The following TESPA1 variants were observed in gnomAD, a reference collection of about 807,000 sequenced individuals.
TESPA1 encodes the protein protein TESPA1.
Under a neutral mutation model 57.9 loss-of-function variants are expected in TESPA1, and 33 were observed. The ratio of observed to expected loss-of-function variants is 0.57; its 90% CI spans 0.43 to 0.76. The LOEUF (loss-of-function observed/expected upper bound fraction) is 0.76, where lower values mean the gene tolerates loss of function less well. Among genes scored for constraint, TESPA1 ranks in the 30% least tolerant of loss-of-function variants. The pLI is 0.00. For missense variants in TESPA1, 618 were observed against 632.9 expected (o/e 0.98, Z 0.25); for synonymous variants, 227 against 228.9 (o/e 0.99, Z 0.07).
At chr12:54,960,888 A>G (rs935249132) in intron 10 of TESPA1, among the ~76,000 whole-genome samples, 2 of 152,150 alleles carry the variant, frequency 1.3e-5, no homozygotes, top group Admixed American at 6.5e-5. Flanking sequence ...GGCCAATTCA[A>G]TCAGACACTC....
chr12:54,963,777 C>T lies in TESPA1; in HGVS notation c.620G>A (p.Arg207Lys). ...GAGGCAGGGGTCTTCCATTTCAATC[C>T]TCCGCACCTGGGACTTCAGGAAGAG... ...FQLFLKSQVR[R>K]IEMEDPCLML... The change falls in exon 8 of 11, where the codon AGG becomes AAG. Residue 207 changes from arginine (R) to lysine (K), a missense_variant. By Grantham distance (26) the Arg-to-Lys change is conservative. Coordinates refer to ENST00000449076, the MANE Select transcript of TESPA1 (RefSeq NM_001136030.3). The T allele has an allele frequency of 1.2e-6, 2 of 1,613,748 alleles. No homozygotes were observed. Among genetic ancestry groups the T allele is most frequent in the Non-Finnish European group, 1.7e-6 (2 of 1,179,848 alleles).
chr12:54,966,287 T>G, intron 6 of TESPA1, 101 bp downstream of exon 6: 2 of 1,584,952 alleles, frequency 1.3e-6, no homozygotes, highest in African/African-American at 2.7e-5. Flanking sequence ...TCTCACTCTC[T>G]AATGTGAATC....
chr12:54,961,449 G>A (rs998401), intron 9 of TESPA1, among the ~76,000 whole-genome samples, 182 bp from the exon 10 acceptor site: 16,830 of 152,226 alleles, frequency 0.11, 2,239 homozygotes, highest in East Asian at 0.63. Flanking sequence ...TACATTCAAG[G>A]AGAGGTGACA....
intron 7 of TESPA1, among the ~76,000 whole-genome samples, chr12:54,964,337 T>G (rs534087738): frequency 6.6e-6 from 1 of 152,360 alleles, no homozygotes; most frequent in East Asian, 1.9e-4. Context: ...CCAGTGGTTG[T>G]TGCGTGGGAC....
intron 8 of TESPA1, among the ~76,000 whole-genome samples, 183 bp from the exon 9 acceptor site, chr12:54,963,425 C>T (rs1294804595): frequency 1.3e-5 from 2 of 152,130 alleles, no homozygotes; most frequent in African/African-American, 2.4e-5. Flanking sequence ...CTTGACACCC[C>T]ATCCCATGTA....
chr12:54,967,837 A>G lies in TESPA1; in HGVS notation c.256+6T>C. On this transcript the variant is annotated splice_donor_region_variant and intron_variant, in intron 4 of 10. Coordinates refer to ENST00000449076, the MANE Select transcript of TESPA1 (RefSeq NM_001136030.3). ...AGAAAAATAGATGGACAGAACCTAT[A>G]CTCACCATTGTAGATAAACTGTCCT... The G allele has an allele frequency of 6.2e-7, 1 of 1,613,670 alleles. No homozygotes were observed. The highest frequency in any genetic ancestry group is 8.5e-7 in the Non-Finnish European group (1 of 1,179,678).
At chr12:54,966,761 C>T (rs1951461816) in intron 5 of TESPA1, among the ~76,000 whole-genome samples, 1 of 152,128 alleles carries the variant, frequency 6.6e-6, no homozygotes, top group African/African-American at 2.4e-5. Context: ...TTTACAGCTC[C>T]CAGGAGACAC....
At chr12:54,955,674 T>A (rs72648130) in intron 10 of TESPA1, among the ~76,000 whole-genome samples, 31,213 of 152,148 alleles carry the variant, frequency 0.21, 5,447 homozygotes, top group East Asian at 0.84. Flanking sequence ...TTGCAATCTG[T>A]TTAGTGGATG....
chr12:54,966,002 T>C (rs1352807349), intron 7 of TESPA1, 51 bp downstream of exon 7: 1 of 1,529,970 alleles, frequency 6.5e-7, no homozygotes, highest in African/African-American at 1.4e-5. Context: ...TCCATTCTCC[T>C]ATGCTTCTCA....
rs929102494 is a variant in TESPA1, at chr12:54,962,725, G to A, written c.1173C>T (p.Cys391=). The change falls in exon 9 of 11, where the codon TGC becomes TGT. Residue 391 remains cysteine, a synonymous_variant. Coordinates refer to ENST00000449076, the MANE Select transcript of TESPA1 (RefSeq NM_001136030.3). ...TLDSNPKVPC[C]THSLPIEDPQ... ...GATCTTCTATGGGCAGAGAATGTGT[G>A]CAACAGGGTACCTTGGGGTTCGAAT... The A allele has an allele frequency of 3.1e-6, 5 of 1,613,838 alleles. No individual in the cohort carries two copies. The highest frequency in any genetic ancestry group is 4.2e-6 in the Non-Finnish European group (5 of 1,179,888).
Position 54,973,712 on chromosome 12 carries a change from T to C in TESPA1, c.164-193A>G, listed in dbSNP as rs1012093683. ...ATAGTAGATATTTCTTCTCTCTCTC[T>C]GCTTCTTTTCTCCCTTCCTCCCAAG... On this transcript the variant is annotated intron_variant, in intron 2 of 10. Transcript: ENST00000449076. 64 of 1,347,032 alleles carry C rather than the reference T, an allele frequency of 4.8e-5. No homozygotes were observed. In the African/African-American group the frequency reaches 9.2e-4, roughly 19 times the overall value. 83.4% of individuals were successfully genotyped at this position (1,347,032 alleles called of 1,614,324 possible). A position where few individuals can be genotyped will look rare whatever the true frequency, so the allele number is the denominator to read the frequency against.
intron 6 of TESPA1, 34 bp from the exon 7 acceptor site, chr12:54,966,185 T>C: frequency 2.6e-6 from 4 of 1,563,850 alleles, no homozygotes; most frequent in Non-Finnish European, 3.5e-6. Context: ...ATACAAATCT[T>C]GTTTCCAGTC....
At chr12:54,967,930 C>T (rs1428248689) in intron 3 of TESPA1, 38 bp from the exon 4 acceptor site, 1 of 1,612,670 alleles carries the variant, frequency 6.2e-7, no homozygotes, top group South Asian at 1.1e-5. Flanking sequence ...AAGTCACTTA[C>T]TACATTTTCC....
intron 10 of TESPA1, among the ~76,000 whole-genome samples, chr12:54,952,716 C>T (rs1444318291): frequency 6.6e-6 from 1 of 152,094 alleles, no homozygotes. Flanking sequence ...ATTGCTGGTG[C>T]CTTCAGTAAT....
rs149630377 is a variant in TESPA1 at position 54,966,411 on chromosome 12, G to A, written c.324C>T (p.Ala108=). 545 of 1,613,536 alleles carry A rather than the reference G, an allele frequency of 3.4e-4. 1 individual carries two copies. The African/African-American group carries it at 5.4e-3, about 16-fold the overall frequency. ...LTLGAEATLL[A]ANGKLFSRSF... is the part of the protein sequence containing the mutation. ...ACCTGGAGAAGAGTTTGCCATTGGC[G>A]GCCAGTAGTGTGGCTGGACAAGAAA... is the stretch of plus-strand genomic sequence containing the variant. Residue 108 remains alanine, a synonymous_variant, in exon 6 of 11, where the codon GCC becomes GCT. Transcript: ENST00000449076.
At chr12:54,955,333 C>T (rs1950666841) in intron 10 of TESPA1, among the ~76,000 whole-genome samples, 1 of 152,212 alleles carries the variant, frequency 6.6e-6, no homozygotes. Context: ...GGTTGACATC[C>T]ATCCCTTTGA....
At position 54,966,124 on chromosome 12, in the gene TESPA1, G is replaced by A. The variant is rs535447244; in HGVS notation, c.375C>T (p.Cys125=). The change falls in exon 7 of 11, where the codon TGC becomes TGT. Residue 125 remains cysteine (C), a synonymous_variant. Transcript: ENST00000449076. ...AACTACAGCCAAGATCAAGTAGCTG[G>A]CAAGGCCTGGCTGTCTCGAGGAAAC... The part of the protein sequence containing the change: ...SRSFLETARP[C]QLLDLGCSLA... 6.4e-7 allele frequency: 1 copy of A among 1,572,646 alleles called. No individual in the cohort carries two copies. The highest frequency in any genetic ancestry group is 8.6e-7 in the Non-Finnish European group (1 of 1,158,014).
Position 54,962,975 on chromosome 12 carries a change from T to C in TESPA1, c.923A>G (p.Lys308Arg), listed in dbSNP as rs1951182987. 3 of 1,613,566 alleles carry C rather than the reference T, an allele frequency of 1.9e-6. No individual in the cohort carries two copies. Among genetic ancestry groups the C allele is most frequent in the Non-Finnish European group, 1.7e-6 (2 of 1,179,804 alleles). Residue 308 changes from lysine to arginine, a missense_variant, in exon 9 of 11, where the codon AAA (lysine) becomes AGA (arginine). Transcript: ENST00000449076. Reference protein sequence around the residue: ...DRPPPPHNTPKRNSLDQVVLE... With the variant: ...DRPPPPHNTPRRNSLDQVVLE... ...CACAACTTGGTCCAAACTGTTCCTT[T>C]TGGGGGTGTTGTGGGGTGGTGGTGG...
At chr12:54,957,302 T>C (rs1358381857) in intron 10 of TESPA1, among the ~76,000 whole-genome samples, 1 of 152,130 alleles carries the variant, frequency 6.6e-6, no homozygotes, top group Admixed American at 6.5e-5. Flanking sequence ...TACTAACAAG[T>C]AGTAGTTAAT....
Sources: allele counts gnomAD v4.1 joint callset (sites outside exome capture counted in the v4.1 genomes callset), GRCh38; gene constraint gnomAD v4.1.1; transcripts MANE v1.5; gene names NCBI Gene and HGNC (gene_info 2026-07-23, HGNC 2026-07-21).